EPS15: variants seen among roughly 807,000 people sequenced by gnomAD.
EPS15 encodes the protein epidermal growth factor receptor substrate 15.
A neutral mutation model predicts 113.8 loss-of-function variants in EPS15; 72 were observed. The observed-to-expected ratio is 0.63, with a 90% CI of 0.52 to 0.77. The LOEUF (loss-of-function observed/expected upper bound fraction) is 0.77. EPS15 is among the 30% of genes least tolerant of loss of function. The probability of loss-of-function intolerance (pLI) is 0.00; values close to 1 mark genes in which losing one functional copy is unlikely to be tolerated. For synonymous variants in EPS15, 344 were observed against 363.4 expected (o/e 0.95, Z 0.61); for missense variants, 1,048 against 1,045.8 (o/e 1.00, Z -0.03).
rs34320767 is a variant in EPS15 at position 51,462,870 on chromosome 1, ATTTTTT to A, written c.501+797_501+802del. Among the ~76,000 whole-genome samples, 349 of 111,062 alleles carry A rather than the reference ATTTTTT, an allele frequency of 3.1e-3. 3 individuals carry two copies. The highest frequency in any genetic ancestry group is 0.011 in the African/African-American group (312 of 27,938). 72.9% of individuals were successfully genotyped at this position (111,062 alleles called of 152,430 possible). ...AAAAGAGGAAAAGTAAAAAAGTCAGATTTTTTTTTTTTTTTTTTTTTTTTTCTAAGA... is the reference window on the plus strand; with the variant it reads ...AAAAGAGGAAAAGTAAAAAAGTCAGATTTTTTTTTTTTTTTTTTTCTAAGA... On this transcript the variant is annotated intron_variant, in intron 7 of 24. Transcript: ENST00000371733.
chr1:51,379,590 A>T (rs532582737), intron 21 of EPS15, among the ~76,000 whole-genome samples: 18 of 152,326 alleles, frequency 1.2e-4, no homozygotes, highest in African/African-American at 3.8e-4. Flanking sequence ...ACAAAAACTG[A>T]ATGGTTCATT....
At chr1:51,507,451 A>G (rs1644517241) in intron 1 of EPS15, among the ~76,000 whole-genome samples, 1 of 152,024 alleles carries the variant, frequency 6.6e-6, no homozygotes, top group Non-Finnish European at 1.5e-5. Flanking sequence ...TCACAAGATC[A>G]GGAGTTCAAG....
Position 51,356,750 on chromosome 1 carries a change from C to G in EPS15, c.2641G>C (p.Asp881His), listed in dbSNP as rs1570053585. The G allele has an allele frequency of 6.2e-7, 1 of 1,613,938 alleles. No homozygotes were observed. The change falls in exon 25 of 25, where the codon GAC becomes CAC. Residue 881 changes from aspartate to histidine, a missense_variant. Coordinates refer to ENST00000371733, the MANE Select transcript of EPS15 (RefSeq NM_001981.3). ...CTGAGTGCAATAGCCAGTTCTAAGTCTTCTTGTTCCTGCTGATTTAGTCGG... is the reference window on the plus strand; with the variant it reads ...CTGAGTGCAATAGCCAGTTCTAAGTGTTCTTGTTCCTGCTGATTTAGTCGG... ...LARLNQQEQE[D>H]LELAIALSKS...
chr1:51,382,572 C>T (rs1646966913), intron 21 of EPS15, among the ~76,000 whole-genome samples: 1 of 151,894 alleles, frequency 6.6e-6, no homozygotes, highest in African/African-American at 2.4e-5. Flanking sequence ...GCGCCCACCA[C>T]CACGCCTGGC....
At chr1:51,411,024 T>C (rs1649670046) in intron 13 of EPS15, among the ~76,000 whole-genome samples, 1 of 152,234 alleles carries the variant, frequency 6.6e-6, no homozygotes, top group Non-Finnish European at 1.5e-5. Flanking sequence ...TAGTAAGCTA[T>C]GGATTCAAAG....
At position 51,472,753 on chromosome 1, in the gene EPS15, C is replaced by T. The variant is rs1655330706; in HGVS notation, c.165+106G>A. On this transcript the variant is annotated intron_variant, in intron 3 of 24. Transcript: ENST00000371733. ...TTAAAATGGCTTCTATGACTCGGTT[C>T]TAACTTCTAAATTTCTTGATGGCAT... is the stretch of plus-strand genomic sequence containing the variant. 3 of 834,386 alleles carry T rather than the reference C, an allele frequency of 3.6e-6. No homozygotes were observed. In the East Asian group the frequency reaches 7.3e-5, roughly 20 times the overall value. The allele number at this position is 834,386 out of a possible 1,614,324, so 51.7% of individuals were successfully genotyped here. A position where few individuals can be genotyped will look rare whatever the true frequency, so the allele number is the denominator to read the frequency against.
chr1:51,394,403 T>A lies in EPS15; in HGVS notation c.2097A>T (p.Thr699=). ...KHNDPFAPGG[T]VVAASDSATD... is the part of the protein sequence containing the mutation. The stretch of plus-strand genomic sequence containing the variant: ...TACCTGAATCGCTTGCTGCAACAAC[T>A]GTTCCACCAGGAGCAAAAGGATCAT... The change falls in exon 21 of 25, where the codon ACA becomes ACT. Residue 699 remains threonine (T), a synonymous_variant. Coordinates refer to ENST00000371733, the MANE Select transcript of EPS15 (RefSeq NM_001981.3). 1 of 1,601,300 alleles carries A rather than the reference T, an allele frequency of 6.2e-7. No individual in the cohort carries two copies. The highest frequency in any genetic ancestry group is 8.5e-7 in the Non-Finnish European group (1 of 1,171,578).
At chr1:51,440,474 A>G (rs1320977069) in intron 11 of EPS15, 42 bp from the exon 12 acceptor site, 4 of 943,470 alleles carry the variant, frequency 4.2e-6, no homozygotes, top group Non-Finnish European at 6.4e-6. Flanking sequence ...CTATAAAATT[A>G]GGTAATATAA....
rs1319282475 is a variant in EPS15 at position 51,354,565 on chromosome 1, G to A, written c.*2135C>T. The A allele has an allele frequency of 6.3e-5, 10 of 159,756 alleles. No homozygotes were observed. The East Asian group carries it at 1.4e-3, about 22-fold the overall frequency. 9.9% of individuals were successfully genotyped at this position (159,756 alleles called of 1,614,324 possible). On this transcript the variant is annotated 3_prime_UTR_variant, in exon 25 of 25. Transcript: ENST00000371733. ...GTAGAAGACATTTAAAACTTTGTAA[G>A]TAGTGCCACTTAGCTCTGGGCAATA...
chr1:51,506,507 G>C (rs1428226940), intron 1 of EPS15, among the ~76,000 whole-genome samples: 1 of 152,020 alleles, frequency 6.6e-6, no homozygotes, highest in Non-Finnish European at 1.5e-5. Flanking sequence ...AAGTTTATGA[G>C]GGTTTTTTTG....
At chr1:51,413,377 ATCTT>A (rs1202650732) in intron 13 of EPS15, among the ~76,000 whole-genome samples, 3 of 152,212 alleles carry the variant, frequency 2.0e-5, no homozygotes, top group Non-Finnish European at 4.4e-5. Flanking sequence ...TCCATGCTTC[ATCTT>A]TCTTTGATTA....
chr1:51,387,486 A>G (rs1019550895), intron 21 of EPS15, among the ~76,000 whole-genome samples: 4 of 152,210 alleles, frequency 2.6e-5, no homozygotes, highest in Non-Finnish European at 4.4e-5. Context: ...CTTTAAATGT[A>G]AATGGACTAA....
rs995866939 is a variant in EPS15, at chr1:51,519,166, G to A, written c.33+33C>T. ...GGCGGTGGGGGAGGGGGCACCGGCCGGCCAAGCCCGGCGGACGGGCGTGTG... is the reference window on the plus strand; with the variant it reads ...GGCGGTGGGGGAGGGGGCACCGGCCAGCCAAGCCCGGCGGACGGGCGTGTG... On this transcript the variant is annotated intron_variant, in intron 1 of 24. Coordinates refer to ENST00000371733, the MANE Select transcript of EPS15 (RefSeq NM_001981.3). 7 of 1,426,056 alleles carry A rather than the reference G, an allele frequency of 4.9e-6. No homozygotes were observed. In the Admixed American group the frequency reaches 8.1e-5, roughly 17 times the overall value. 88.3% of individuals were successfully genotyped at this position (1,426,056 alleles called of 1,614,324 possible). A position where few individuals can be genotyped will look rare whatever the true frequency, so the allele number is the denominator to read the frequency against.
At chr1:51,380,296 A>G (rs1646912509) in intron 21 of EPS15, among the ~76,000 whole-genome samples, 1 of 152,196 alleles carries the variant, frequency 6.6e-6, no homozygotes, top group Admixed American at 6.5e-5. Flanking sequence ...GTTAGACACC[A>G]AATGAAAATA....
intron 10 of EPS15, 107 bp from the exon 11 acceptor site, chr1:51,445,152 A>C: frequency 1.0e-6 from 1 of 993,950 alleles, no homozygotes; most frequent in South Asian, 1.6e-5. Flanking sequence ...TGAATTTAAA[A>C]AGACAGTCAC....
At chr1:51,503,367 G>A (rs1300150451) in intron 1 of EPS15, among the ~76,000 whole-genome samples, 2 of 152,220 alleles carry the variant, frequency 1.3e-5, no homozygotes, top group Non-Finnish European at 2.9e-5. Context: ...TGGGCGCGGT[G>A]GGTCATGCCT....
intron 8 of EPS15, among the ~76,000 whole-genome samples, chr1:51,451,921 G>GT (rs1653602993): frequency 6.8e-6 from 1 of 146,532 alleles, no homozygotes; most frequent in Admixed American, 6.7e-5. Context: ...TGGTTGGTTT[G>GT]TTTTTTGCCC....
At chr1:51,388,946 G>A (rs1647178575) in intron 21 of EPS15, among the ~76,000 whole-genome samples, 1 of 152,114 alleles carries the variant, frequency 6.6e-6, no homozygotes, top group Non-Finnish European at 1.5e-5. Context: ...GAAAAAGAGG[G>A]AATCCTCCCT....
intron 12 of EPS15, among the ~76,000 whole-genome samples, chr1:51,422,635 A>C (rs947244836): frequency 2.0e-5 from 3 of 152,282 alleles, no homozygotes; most frequent in African/African-American, 7.2e-5. Context: ...AAGCAACCTT[A>C]GATTCAGAAT....
Sources: gnomAD v4.1 joint callset for allele counts (sites outside exome capture counted in the v4.1 genomes callset) on GRCh38, gnomAD v4.1.1 for gene constraint, MANE v1.5 for transcripts, NCBI Gene and HGNC (gene_info 2026-07-23, HGNC 2026-07-21) for gene names.